The following NPAS2 variants were observed in gnomAD, a reference collection of about 807,000 sequenced individuals.
NPAS2 encodes neuronal PAS domain-containing protein 2.
In NPAS2, 23 loss-of-function variants were observed where a neutral mutation model predicts 107.5. That is an observed-to-expected ratio of 0.21 (90% CI 0.15 to 0.30). The LOEUF is 0.30. NPAS2 is among the 10% of genes least tolerant of loss of function. NPAS2 has a pLI of 1.00. For missense variants in NPAS2, 756 were observed against 1,043.3 expected (o/e 0.72, Z 3.79); for synonymous variants, 403 against 417.5 (o/e 0.97, Z 0.42).
chr2:100,851,082 C>T (rs1345469495), intron 1 of NPAS2, among the ~76,000 whole-genome samples: 1 of 151,602 alleles, frequency 6.6e-6, no homozygotes, highest in Non-Finnish European at 1.5e-5. Flanking sequence ...ATGATTCCAC[C>T]TAGATGAGGT....
At chr2:100,929,823 G>C (rs577127751) in intron 3 of NPAS2, among the ~76,000 whole-genome samples, 7 of 152,274 alleles carry the variant, frequency 4.6e-5, no homozygotes, top group African/African-American at 1.7e-4. Flanking sequence ...ATTTCAACAT[G>C]CTTCCTGCCG....
chr2:100,895,688 G>C (rs1431770734), intron 1 of NPAS2, among the ~76,000 whole-genome samples: 1 of 152,118 alleles, frequency 6.6e-6, no homozygotes, highest in Non-Finnish European at 1.5e-5. Flanking sequence ...TACTGGGCCT[G>C]GCAGAGCTCC....
intron 2 of NPAS2, among the ~76,000 whole-genome samples, chr2:100,909,956 C>A (rs989964157): frequency 6.6e-6 from 1 of 152,076 alleles, no homozygotes; most frequent in Non-Finnish European, 1.5e-5. Flanking sequence ...TGCTGAGGGG[C>A]TTTTGGCTTT....
rs1024875314 is a variant in NPAS2, at chr2:100,921,180, G to A, written c.33-3966G>A. 5.9e-5 allele frequency among the ~76,000 whole-genome samples: 9 copies of A among 152,330 alleles called. No individual in the cohort carries two copies. The South Asian group carries it at 1.0e-3, about 18-fold the overall frequency. ...GCAGGAGGGTGCACGGCCTCACAGC[G>A]TGGGCACTGGAGCCAGCCTGTGGCA... On this transcript the variant is annotated intron_variant, in intron 2 of 20. Coordinates refer to ENST00000335681, the MANE Select transcript of NPAS2 (RefSeq NM_002518.4).
chr2:100,854,158 CAAAAAAAAAAAAAA>C (rs70943046), intron 1 of NPAS2, among the ~76,000 whole-genome samples: 1 of 59,600 alleles, frequency 1.7e-5, no homozygotes, highest in East Asian at 5.5e-4. Flanking sequence ...CCTGCCTCAA[CAAAAAAAAAAAAAA>C]AAAAAAAAAA....
chr2:100,844,911 A>G (rs1178970756), intron 1 of NPAS2, among the ~76,000 whole-genome samples: 1 of 152,202 alleles, frequency 6.6e-6, no homozygotes, highest in Non-Finnish European at 1.5e-5. Flanking sequence ...GGGAATAAAC[A>G]AAGACCACCC....
intron 1 of NPAS2, among the ~76,000 whole-genome samples, chr2:100,888,126 C>G (rs1680829758): frequency 6.6e-6 from 1 of 152,196 alleles, no homozygotes; most frequent in Non-Finnish European, 1.5e-5. Context: ...TTCAGCCTCT[C>G]CCGAAGAGAT....
chr2:100,918,472 C>T (rs115097439), intron 2 of NPAS2, among the ~76,000 whole-genome samples: 35 of 152,216 alleles, frequency 2.3e-4, no homozygotes, highest in Non-Finnish European at 4.0e-4. Flanking sequence ...AAGCTATAGT[C>T]GGGTAGAAAA....
intron 7 of NPAS2, among the ~76,000 whole-genome samples, chr2:100,959,690 T>A (rs1269682708): frequency 1.3e-5 from 2 of 152,232 alleles, no homozygotes; most frequent in East Asian, 3.9e-4. Context: ...TCACTGATAG[T>A]TTCATATCTT....
chr2:100,955,907 GTTTGTT>G (rs1157372918), intron 7 of NPAS2, among the ~76,000 whole-genome samples: 1 of 151,926 alleles, frequency 6.6e-6, no homozygotes, highest in Non-Finnish European at 1.5e-5. Context: ...TTTTTTGTTT[GTTTGTT>G]TGTTTTTTTG....
chr2:100,853,935 T>C (rs1359674487), intron 1 of NPAS2, among the ~76,000 whole-genome samples: 2 of 149,692 alleles, frequency 1.3e-5, no homozygotes, highest in Non-Finnish European at 3.0e-5. Flanking sequence ...ATTCCAACAC[T>C]TTGGGAGGCC....
At chr2:100,944,658 G>A (rs557656828) in intron 5 of NPAS2, among the ~76,000 whole-genome samples, 2 of 152,312 alleles carry the variant, frequency 1.3e-5, no homozygotes, top group East Asian at 3.9e-4. Context: ...TTCAGCATGT[G>A]GAAGTAGCAT....
chr2:100,890,889 C>T (rs1183644114), intron 1 of NPAS2, among the ~76,000 whole-genome samples: 1 of 152,024 alleles, frequency 6.6e-6, no homozygotes, highest in Non-Finnish European at 1.5e-5. Context: ...AGACCCCTGG[C>T]TGCACAGGGA....
chr2:100,885,626 C>T (rs906899059), intron 1 of NPAS2, among the ~76,000 whole-genome samples: 5 of 152,146 alleles, frequency 3.3e-5, no homozygotes. Flanking sequence ...TGTGATAATG[C>T]TGTTGCATTA....
intron 1 of NPAS2, among the ~76,000 whole-genome samples, chr2:100,853,243 A>C (rs933614930): frequency 1.3e-5 from 2 of 152,238 alleles, no homozygotes; most frequent in Non-Finnish European, 2.9e-5. Flanking sequence ...ACTAGACCTA[A>C]ACAGGAGGAA....
At chr2:100,904,253 G>A (rs1327268635) in intron 1 of NPAS2, among the ~76,000 whole-genome samples, 7 of 152,168 alleles carry the variant, frequency 4.6e-5, no homozygotes, top group African/African-American at 1.7e-4. Flanking sequence ...GCAGGCACTG[G>A]GAGGTGCGTG....
intron 1 of NPAS2, among the ~76,000 whole-genome samples, chr2:100,829,190 T>G (rs1042134782): frequency 1.3e-5 from 2 of 151,208 alleles, no homozygotes; most frequent in Non-Finnish European, 3.0e-5. Flanking sequence ...TTTGTTGTTT[T>G]TTTTTTTTTT....
In NPAS2 at chr2:100,965,124, C is replaced by T. The variant is rs564175601; in HGVS notation, c.800+181C>T. ...TTCCCTCCAACTTCATCTGCCCCAT[C>T]GTGAATATGTTCTGTGTTTGGGTCT... On this transcript the variant is annotated intron_variant, in intron 9 of 20. Transcript: ENST00000335681. The surrounding 1 kb of genome is among the most constrained non-coding windows in gnomAD (Gnocchi z 4.3). Among the ~76,000 whole-genome samples, 5 of 152,296 alleles carry T rather than the reference C, an allele frequency of 3.3e-5. No individual in the cohort carries two copies. The highest frequency in any genetic ancestry group is 2.1e-4 in the South Asian group (1 of 4,824).
intron 20 of NPAS2, chr2:100,993,836 A>T: frequency 3.2e-6 from 1 of 310,374 alleles, no homozygotes; most frequent in Non-Finnish European, 5.8e-6. Flanking sequence ...CAGTTTTTAG[A>T]GCAAAAGTCG....
Sources: allele counts gnomAD v4.1 joint callset (sites outside exome capture counted in the v4.1 genomes callset), GRCh38; gene constraint gnomAD v4.1.1; non-coding constraint Gnocchi (gnomAD v3.1); transcripts MANE v1.5; gene names NCBI Gene and HGNC (gene_info 2026-07-23, HGNC 2026-07-21).